The following GFPT1 variants were observed in gnomAD, a reference collection of about 807,000 sequenced individuals.
GFPT1 encodes glutamine--fructose-6-phosphate transaminase 1.
In GFPT1, 40 loss-of-function variants were observed where a neutral mutation model predicts 92.0. The observed-to-expected ratio is 0.43, with a 90% confidence interval of 0.34 to 0.57. The LOEUF (loss-of-function observed/expected upper bound fraction) is 0.57. GFPT1 is among the 20% of genes least tolerant of loss of function. The pLI is 0.02. For synonymous variants in GFPT1, 269 were observed against 280.6 expected, an observed-to-expected ratio of 0.96 and a Z score of 0.41; for missense variants, 448 against 869.1, an observed-to-expected ratio of 0.52 and a Z score of 6.09.
chr2:69,350,896 ACT>A (rs896943728), intron 9 of GFPT1, among the ~76,000 whole-genome samples: 1 of 147,776 alleles, frequency 6.8e-6, no homozygotes, highest in Admixed American at 6.8e-5. Context: ...CAGAGCAAAA[ACT>A]CTGTCTCAAA....
At position 69,352,777 on chromosome 2, in the gene GFPT1, G is replaced by A. The variant is rs190229210; in HGVS notation, c.739+1482C>T. On this transcript the variant is annotated intron_variant, in intron 9 of 19. Transcript: ENST00000357308. ...AAAAAAATTTGAGGCTGGGTGCAGC[G>A]GCTCACACCTGTAATCCCAGCACTT... 4.8e-3 allele frequency among the ~76,000 whole-genome samples: 724 copies of A among 152,084 alleles called. 10 individuals are homozygous for A. The highest frequency in any genetic ancestry group is 0.011 in the Admixed American group (173 of 15,262).
At chr2:69,327,407 T>C (rs1670557216) in intron 18 of GFPT1, among the ~76,000 whole-genome samples, 1 of 152,220 alleles carries the variant, frequency 6.6e-6, no homozygotes, top group Non-Finnish European at 1.5e-5. Flanking sequence ...TAAAGCCAAC[T>C]GATCTGAAGA....
rs527385138 is a variant in GFPT1, at chr2:69,386,345, G to A, written c.7+720C>T. Among the ~76,000 whole-genome samples, 3 of 152,236 alleles carry A rather than the reference G, an allele frequency of 2.0e-5. No homozygotes were observed. In the East Asian group the frequency reaches 5.8e-4, roughly 29 times the overall value. The stretch of plus-strand genomic sequence containing the variant: ...GGGATAAATGATATTTTTCATAGTT[G>A]GTATTCTAAAGGGGTATACATCCAA... On this transcript the variant is annotated intron_variant, in intron 1 of 19. Transcript: ENST00000357308.
intron 17 of GFPT1, among the ~76,000 whole-genome samples, 179 bp downstream of exon 17, chr2:69,329,118 A>G (rs570565367): frequency 2.6e-5 from 4 of 152,264 alleles, no homozygotes; most frequent in Non-Finnish European, 5.9e-5. Context: ...ACTCTTTTTG[A>G]TTTTCACTTC....
intron 1 of GFPT1, among the ~76,000 whole-genome samples, chr2:69,384,837 T>C (rs534498770): frequency 6.6e-6 from 1 of 151,550 alleles, no homozygotes; most frequent in Non-Finnish European, 1.5e-5. Flanking sequence ...CTTAACTAGA[T>C]AGCAAGTAAT....
At chr2:69,385,109 G>A (rs923810532) in intron 1 of GFPT1, among the ~76,000 whole-genome samples, 2 of 152,102 alleles carry the variant, frequency 1.3e-5, no homozygotes, top group Non-Finnish European at 2.9e-5. Context: ...TTCCTCAGCC[G>A]TAAAACTCTA....
intron 2 of GFPT1, among the ~76,000 whole-genome samples, chr2:69,372,198 CAAAAAAAAAA>C (rs534920006): frequency 9.5e-5 from 5 of 52,736 alleles, no homozygotes; most frequent in Non-Finnish European, 2.0e-4. Context: ...GACTCCATCT[CAAAAAAAAAA>C]AAAAAAAAAA....
rs750112414 is a variant in GFPT1, at chr2:69,321,451, TACAA to T, written c.*4734_*4737del. On this transcript the variant is annotated 3_prime_UTR_variant, in exon 20 of 20. Transcript: ENST00000357308. ...GACATTGATTACATTCTTAGTACAA[TACAA>T]TTTCTAACATAACTACAAATGTGTA... 5.3e-5 allele frequency: 8 copies of T among 152,354 alleles called. No homozygotes were observed. Among genetic ancestry groups the T allele is most frequent in the African/African-American group, 1.9e-4 (8 of 41,588 alleles). 9.4% of individuals were successfully genotyped at this position (152,354 alleles called of 1,614,324 possible). A position where few individuals can be genotyped will look rare whatever the true frequency, so the allele number is the denominator to read the frequency against.
chr2:69,380,869 C>G (rs1671992362), intron 1 of GFPT1, among the ~76,000 whole-genome samples: 1 of 152,224 alleles, frequency 6.6e-6, no homozygotes. Flanking sequence ...GCTTAACTTT[C>G]AAACTTCTCC....
At chr2:69,386,194 A>T (rs777082616) in intron 1 of GFPT1, among the ~76,000 whole-genome samples, 4 of 152,160 alleles carry the variant, frequency 2.6e-5, no homozygotes, top group Non-Finnish European at 4.4e-5. Flanking sequence ...TTTCACTAAC[A>T]CTTAGGTCAT....
chr2:69,335,013 ATT>A (rs1340028528), intron 15 of GFPT1, among the ~76,000 whole-genome samples: 1 of 148,488 alleles, frequency 6.7e-6, no homozygotes, highest in East Asian at 2.0e-4. Context: ...TAAAATTTTT[ATT>A]TTTTTTTTTA....
chr2:69,363,513 A>C, intron 4 of GFPT1, 32 bp downstream of exon 4: 1 of 1,608,226 alleles, frequency 6.2e-7, no homozygotes, highest in Non-Finnish European at 8.5e-7. Context: ...GGTTTCCACA[A>C]TCATTCCAAA....
In GFPT1 at chr2:69,331,810, T is replaced by C. The variant is rs114152849; in HGVS notation, c.1483-2012A>G. Among the ~76,000 whole-genome samples the C allele has an allele frequency of 7.0e-3, 1,061 of 152,226 alleles. 10 individuals carry two copies. The highest frequency in any genetic ancestry group is 0.024 in the African/African-American group (1,004 of 41,536). On this transcript the variant is annotated intron_variant, in intron 15 of 19. Transcript: ENST00000357308. ...TTTCTGCTGTATAATCTGGCATTCA[T>C]TGTAGATTAAAGTTTATTTTTCTGT...
rs573151724 is a variant in GFPT1, at chr2:69,385,616, T to C, written c.7+1449A>G. ...GATGAAATGACCTGCAACCAGAATG[T>C]TGAGTACTTGATGAGGCACACCCCT... is the stretch of plus-strand genomic sequence containing the variant. On this transcript the variant is annotated intron_variant, in intron 1 of 19. Transcript: ENST00000357308. 1.8e-4 allele frequency among the ~76,000 whole-genome samples: 27 copies of C among 152,126 alleles called. No individual in the cohort carries two copies. In the South Asian group the frequency reaches 5.0e-3, roughly 28 times the overall value.
At chr2:69,360,314 G>A (rs1236102726) in intron 4 of GFPT1, among the ~76,000 whole-genome samples, 1 of 131,186 alleles carries the variant, frequency 7.6e-6, no homozygotes, top group Non-Finnish European at 1.5e-5. Flanking sequence ...GGGCAACAGA[G>A]TGAGATTCTG....
At position 69,335,186 on chromosome 2, in the gene GFPT1, T is replaced by G. The variant is rs578146151; in HGVS notation, c.1482+2712A>C. Among the ~76,000 whole-genome samples the G allele has an allele frequency of 2.8e-4, 43 of 152,132 alleles. No individual in the cohort carries two copies. The South Asian group carries it at 8.7e-3, about 31-fold the overall frequency. On this transcript the variant is annotated intron_variant, in intron 15 of 19. Transcript: ENST00000357308. The stretch of plus-strand genomic sequence containing the variant: ...CATGCCCCGCTAATTTTTGTATTTT[T>G]TATAGAGATAAGGTCTCACTCTGAT...
At chr2:69,376,058 C>T (rs1166610475) in intron 1 of GFPT1, among the ~76,000 whole-genome samples, 1 of 152,188 alleles carries the variant, frequency 6.6e-6, no homozygotes, top group Non-Finnish European at 1.5e-5. Context: ...TATGAATAAA[C>T]GAATAACCCA....
intron 10 of GFPT1, 85 bp from the exon 11 acceptor site, chr2:69,348,419 A>T: frequency 9.4e-7 from 1 of 1,061,464 alleles, no homozygotes; most frequent in South Asian, 1.3e-5. Context: ...CAAGAACCAA[A>T]TTTCAATATA....
rs1311192590 is a variant in GFPT1 at position 69,328,419 on chromosome 2, T to G, written c.1745A>C (p.Tyr582Ser). 6.2e-7 allele frequency: 1 copy of G among 1,612,934 alleles called. No individual in the cohort carries two copies. The highest frequency in any genetic ancestry group is 8.5e-7 in the Non-Finnish European group (1 of 1,178,938). The change falls in exon 18 of 20, where the codon TAT becomes TCT. Residue 582 changes from tyrosine to serine, a missense_variant. Around this residue, in one of 7 missense-constraint regions of GFPT1, gnomAD observed 73 missense variants for 103.5 expected, o/e 0.71. Coordinates refer to ENST00000357308, the MANE Select transcript of GFPT1 (RefSeq NM_001244710.2). ...AGCAAGGATGCCTTCAGAGTGCATA[T>G]AAGTAATTTCTTTGATTTTCTAATA... Reference protein sequence around the residue: ...EGALKIKEITYMHSEGILAGE... With the variant: ...EGALKIKEITSMHSEGILAGE...
Sources: allele counts gnomAD v4.1 joint callset (sites outside exome capture counted in the v4.1 genomes callset), GRCh38; gene constraint gnomAD v4.1.1; regional missense constraint gnomAD v4.1.1; transcripts MANE v1.5; gene names NCBI Gene and HGNC (gene_info 2026-07-23, HGNC 2026-07-21).